The following MGA variants were observed in gnomAD, a reference collection of about 807,000 sequenced individuals.
MGA encodes MAX gene-associated protein.
MGA carries 40 observed loss-of-function variants against 261.1 expected under a neutral mutation model. That is an observed-to-expected ratio of 0.15 (90% CI 0.12 to 0.20). The LOEUF (loss-of-function observed/expected upper bound fraction) is 0.20. MGA is among the 10% of genes least tolerant of loss of function. MGA has a pLI of 1.00. For synonymous variants in MGA, 1,302 were observed against 1,290.6 expected (o/e 1.01, Z -0.19); for missense variants, 3,397 against 3,630.5 (o/e 0.94, Z 1.65).
At chr15:41,699,891 A>T (rs1044477736) in intron 5 of MGA, among the ~76,000 whole-genome samples, 2 of 151,772 alleles carry the variant, frequency 1.3e-5, no homozygotes, top group Non-Finnish European at 1.5e-5. Flanking sequence ...TATATATTTG[A>T]TGTACCACTG....
chr15:41,702,347 T>TA (rs1393506905), intron 5 of MGA, among the ~76,000 whole-genome samples: 3 of 150,900 alleles, frequency 2.0e-5, no homozygotes, highest in Non-Finnish European at 3.0e-5. Context: ...AAGCTGGACT[T>TA]AAACAGTTTC....
rs577446189 is a variant in MGA at position 41,745,035 on chromosome 15, C to T, written c.5212+1863C>T. On this transcript the variant is annotated intron_variant, in intron 15 of 23. Coordinates refer to ENST00000219905, the MANE Select transcript of MGA (RefSeq NM_001164273.2). ...CTGGGATTGCAGGTGCCCGCCACCACGCAGTGGTGTATATTATATTTTTAG... is the reference window on the plus strand; with the variant it reads ...CTGGGATTGCAGGTGCCCGCCACCATGCAGTGGTGTATATTATATTTTTAG... Among the ~76,000 whole-genome samples the T allele has an allele frequency of 5.3e-5, 8 of 152,204 alleles. No individual in the cohort carries two copies. In the South Asian group the frequency reaches 8.3e-4, roughly 16 times the overall value.
At chr15:41,761,183 T>TAC (rs2063435218) in intron 20 of MGA, among the ~76,000 whole-genome samples, 1 of 152,252 alleles carries the variant, frequency 6.6e-6, no homozygotes, top group South Asian at 2.1e-4. Context: ...TAGCACTTAG[T>TAC]ACAGGTTATC....
chr15:41,710,968 A>G lies in MGA; in HGVS notation c.2703A>G (p.Gln901=), dbSNP rs182642948. Residue 901 remains glutamine, a synonymous_variant, in exon 8 of 24, where the codon CAA becomes CAG. Coordinates refer to ENST00000219905, the MANE Select transcript of MGA (RefSeq NM_001164273.2). The stretch of plus-strand genomic sequence containing the variant: ...CTGTCTCTCGAAAGGCAAAGTCTCA[A>G]AACAGACAGGCAACTTTCAGTGGCC... 3 of 1,614,020 alleles carry G rather than the reference A, an allele frequency of 1.9e-6. No homozygotes were observed. The highest frequency in any genetic ancestry group is 2.5e-6 in the Non-Finnish European group (3 of 1,179,886).
chr15:41,630,302 T>C (rs1455973869), intron 1 of MGA, among the ~76,000 whole-genome samples: 1 of 152,148 alleles, frequency 6.6e-6, no homozygotes, highest in African/African-American at 2.4e-5. Flanking sequence ...CTTCACTGCA[T>C]GGTACTTCCT....
intron 1 of MGA, among the ~76,000 whole-genome samples, chr15:41,640,258 A>G (rs1157040406): frequency 2.6e-5 from 4 of 152,290 alleles, no homozygotes; most frequent in Admixed American, 2.0e-4. Flanking sequence ...AATAAGGAGT[A>G]GTTGAGTATA....
chr15:41,691,898 T>C (rs930527448), intron 2 of MGA, among the ~76,000 whole-genome samples: 1 of 152,116 alleles, frequency 6.6e-6, no homozygotes, highest in Non-Finnish European at 1.5e-5. Flanking sequence ...TGCCTAGATA[T>C]GACTTTTTTT....
rs968695631 is a variant in MGA, at chr15:41,769,753, TAAATG to T, written c.*2474_*2478del. 2 of 152,632 alleles carry T rather than the reference TAAATG, an allele frequency of 1.3e-5. No homozygotes were observed. Among genetic ancestry groups the T allele is most frequent in the South Asian group, 2.1e-4 (1 of 4,836 alleles). The allele number at this position is 152,632 out of a possible 1,614,324, so 9.5% of individuals were successfully genotyped here. A position where few individuals can be genotyped will look rare whatever the true frequency, so the allele number is the denominator to read the frequency against. ...ATTCACCTTTTTATACATCTGTAAA[TAAATG>T]GAATGTTTTTAAGAATATAATTATG... On this transcript the variant is annotated 3_prime_UTR_variant, in exon 24 of 24. Coordinates refer to ENST00000219905, the MANE Select transcript of MGA (RefSeq NM_001164273.2).
chr15:41,657,731 C>T (rs536164072), upstream of MGA, among the ~76,000 whole-genome samples: 20 of 151,994 alleles, frequency 1.3e-4, no homozygotes, highest in South Asian at 8.3e-4. Flanking sequence ...GTATGTAGCC[C>T]TTATTTTATG....
In MGA at chr15:41,689,574, TC is replaced by T. The variant is rs1389208891; in HGVS notation, c.1065-6500del. ...TCATTTTCTTTTTCTTTTTTTTTTT[TC>T]TTTTTTTTGAGATAGAGTCTCACTC... On this transcript the variant is annotated intron_variant, in intron 2 of 23. Coordinates refer to ENST00000219905, the MANE Select transcript of MGA (RefSeq NM_001164273.2). Among the ~76,000 whole-genome samples, 8 of 150,690 alleles carry T rather than the reference TC, an allele frequency of 5.3e-5. No individual in the cohort carries two copies. The East Asian group carries it at 1.5e-3, about 29-fold the overall frequency.
At chr15:41,701,611 C>T (rs375479265) in intron 5 of MGA, among the ~76,000 whole-genome samples, 1 of 152,094 alleles carries the variant, frequency 6.6e-6, no homozygotes. Context: ...TCTAAAGGGA[C>T]AGCTGCATCA....
intron 5 of MGA, among the ~76,000 whole-genome samples, chr15:41,704,762 A>G (rs1020051040): frequency 6.6e-6 from 1 of 152,252 alleles, no homozygotes; most frequent in African/African-American, 2.4e-5. Flanking sequence ...TTATAGAACT[A>G]TAAACATCTT....
In MGA at chr15:41,713,377, CTCA is replaced by C; in HGVS notation, c.3314_3316del (p.His1105del). The C allele has an allele frequency of 6.2e-7, 1 of 1,611,608 alleles. No individual in the cohort carries two copies. The highest frequency in any genetic ancestry group is 2.2e-5 in the East Asian group (1 of 44,854). ...ACTAAGCATTTTCAGAGGAAGGCTG[CTCA>C]TCGAGATCCAGTATTTTATGATACT... On this transcript the variant is annotated inframe_deletion, in exon 9 of 24. Coordinates refer to ENST00000219905, the MANE Select transcript of MGA (RefSeq NM_001164273.2).
At chr15:41,697,606 G>A (rs1272346681) in intron 3 of MGA, among the ~76,000 whole-genome samples, 1 of 151,824 alleles carries the variant, frequency 6.6e-6, no homozygotes, top group African/African-American at 2.4e-5. Flanking sequence ...TGGTAGAGAC[G>A]GGGTTTTGCA....
At chr15:41,747,525 G>T (rs1032890231) in intron 15 of MGA, among the ~76,000 whole-genome samples, 1 of 150,900 alleles carries the variant, frequency 6.6e-6, no homozygotes, top group African/African-American at 2.4e-5. Context: ...AGCCCCAGGG[G>T]TTCCAGACCA....
intron 15 of MGA, among the ~76,000 whole-genome samples, chr15:41,746,279 G>T (rs1479576954): frequency 1.3e-5 from 2 of 152,068 alleles, no homozygotes; most frequent in African/African-American, 4.8e-5. Flanking sequence ...AGTGGCTGAC[G>T]CCTGTAATCC....
At chr15:41,727,939 A>C (rs1182754055) in intron 10 of MGA, among the ~76,000 whole-genome samples, 3 of 152,236 alleles carry the variant, frequency 2.0e-5, no homozygotes, top group African/African-American at 7.2e-5. Context: ...CTCCTAGTCC[A>C]TTAGATTGAA....
intron 9 of MGA, 114 bp from the exon 10 acceptor site, chr15:41,727,066 T>G (rs1047649281): frequency 1.4e-6 from 1 of 718,686 alleles, no homozygotes; most frequent in Non-Finnish European, 2.3e-6. Context: ...TCTATTTGAT[T>G]ATTTTAACGA....
rs760590017 is a variant in MGA at position 41,708,150 on chromosome 15, C to T, written c.2367C>T (p.Phe789=). The T allele has an allele frequency of 2.2e-5, 36 of 1,601,718 alleles. No homozygotes were observed. Among genetic ancestry groups the T allele is most frequent in the Non-Finnish European group, 3.1e-5 (36 of 1,173,836 alleles). The change falls in exon 7 of 24, where the codon TTC becomes TTT. Residue 789 remains phenylalanine, a synonymous_variant. Transcript: ENST00000219905. ...CTAGGACAGGGAAAACCAATGATTT[C>T]ACTAAGATCAAGGGATGGAGGGGAA...
Sources: allele counts gnomAD v4.1 joint callset (sites outside exome capture counted in the v4.1 genomes callset), GRCh38; gene constraint gnomAD v4.1.1; transcripts MANE v1.5; gene names NCBI Gene and HGNC (gene_info 2026-07-23, HGNC 2026-07-21).